Variants in BEND2 observed in about 807,000 individuals in gnomAD.
BEND2 encodes the protein BEN domain containing 2.
Under a neutral mutation model 43.8 loss-of-function variants are expected in BEND2, and 19 were observed. The observed-to-expected ratio is 0.43, with a 90% CI of 0.30 to 0.64. BEND2 has a LOEUF of 0.64. Ranked by LOEUF, BEND2 falls within the 30% of genes least tolerant of loss-of-function variation. The pLI, the probability that BEND2 is intolerant of heterozygous loss-of-function variation, is 0.11. For synonymous variants in BEND2, 226 were observed against 210.1 expected (o/e 1.08, Z -0.66); for missense variants, 544 against 574.0 (o/e 0.95, Z 0.53).
chrX:18,193,083 G>A (rs1225667578), intron 7 of BEND2, among the ~76,000 whole-genome samples: 4 of 111,958 alleles, frequency 3.6e-5, no homozygotes, highest in South Asian at 3.7e-4. Flanking sequence ...TTGGGAGGCC[G>A]AAGTGGGCAG....
intron 6 of BEND2, among the ~76,000 whole-genome samples, chrX:18,196,346 T>C (rs1053715275): frequency 9.3e-6 from 1 of 107,038 alleles, no homozygotes; most frequent in Non-Finnish European, 1.9e-5. Context: ...ATAAGAAATA[T>C]AAATATGGAG....
In BEND2 at chrX:18,199,618, C is replaced by G. The variant is rs149506106; in HGVS notation, c.1033+2197G>C. On this transcript the variant is annotated intron_variant, in intron 6 of 13. Transcript: ENST00000380033. ...ATTACATGTGAATTCAAAATTATCT[C>G]AAAATAAAAAGCCTAGTTTTTTTTT... Among the ~76,000 whole-genome samples the G allele has an allele frequency of 9.2e-3, 957 of 103,580 alleles. 15 individuals are homozygous for G. The highest frequency in any genetic ancestry group is 0.032 in the African/African-American group (911 of 28,601). 89.9% of individuals were successfully genotyped at this position (103,580 alleles called of 115,157 possible). A position where few individuals can be genotyped will look rare whatever the true frequency, so the allele number is the denominator to read the frequency against.
At chrX:18,216,500 G>A (rs760884153) in intron 2 of BEND2, 21 bp downstream of exon 2, 1 of 1,173,748 alleles carries the variant, frequency 8.5e-7, no homozygotes, top group Non-Finnish European at 1.2e-6. Flanking sequence ...TTTTGCCAAG[G>A]ATGAAATTTA....
intron 7 of BEND2, 82 bp downstream of exon 7, chrX:18,195,214 G>T (rs1924897661): frequency 3.0e-6 from 3 of 1,010,743 alleles, no homozygotes; most frequent in South Asian, 7.2e-5. Context: ...TTTGTAAAAA[G>T]CTACCACTAA....
intron 8 of BEND2, among the ~76,000 whole-genome samples, chrX:18,184,385 G>A (rs780231948): frequency 8.9e-6 from 1 of 112,002 alleles, no homozygotes; most frequent in African/African-American, 3.2e-5. Flanking sequence ...GGGAGGCTGA[G>A]GCAGGAGAAT....
intron 10 of BEND2, 129 bp downstream of exon 10, chrX:18,177,440 G>C: frequency 2.9e-6 from 2 of 691,654 alleles, no homozygotes; most frequent in Non-Finnish European, 4.4e-6. Context: ...GGGTCAGACA[G>C]GTGAAAAAAA....
intron 8 of BEND2, 131 bp from the exon 9 acceptor site, chrX:18,180,781 T>C (rs191724425): frequency 6.0e-5 from 30 of 496,699 alleles, no homozygotes; most frequent in African/African-American, 1.7e-4. Context: ...CTCTTTTTTT[T>C]TTTCTTTCTT....
At chrX:18,201,413 A>C (rs1438822816) in intron 6 of BEND2, among the ~76,000 whole-genome samples, 129 of 95,900 alleles carry the variant, frequency 1.3e-3, no homozygotes, top group African/African-American at 1.9e-3. Context: ...AAAAAAAAAA[A>C]AAAACAAAAA....
chrX:18,171,219 G>A lies in BEND2; in HGVS notation c.1982-15C>T, dbSNP rs1156651398. On this transcript the variant is annotated splice_polypyrimidine_tract_variant and intron_variant, in intron 12 of 13. Coordinates refer to ENST00000380033, the MANE Select transcript of BEND2 (RefSeq NM_153346.5). ...TCCAAAATAGCCTAGAAGCAAAAAA[G>A]AAAGATGTCAATTTTCATAGCAAAT... The A allele has an allele frequency of 8.5e-7, 1 of 1,182,113 alleles. No individual in the cohort carries two copies. The highest frequency in any genetic ancestry group is 1.1e-6 in the Non-Finnish European group (1 of 872,912).
intron 1 of BEND2, among the ~76,000 whole-genome samples, chrX:18,217,715 A>C (rs943133846): frequency 9.0e-6 from 1 of 111,434 alleles, no homozygotes; most frequent in African/African-American, 3.3e-5. Context: ...TCTAAACCAA[A>C]GTATTAAATA....
intron 4 of BEND2, among the ~76,000 whole-genome samples, chrX:18,204,543 A>G (rs1308076284): frequency 8.9e-6 from 1 of 112,455 alleles, no homozygotes; most frequent in African/African-American, 3.2e-5. Context: ...TTTAAAAAAT[A>G]GTAGCTCATA....
Position 18,180,588 on chromosome X carries a change from TTG to T in BEND2, c.1349_1350del (p.Thr450AsnfsTer10). On this transcript the variant is annotated frameshift_variant, in exon 9 of 14. Coordinates refer to ENST00000380033, the MANE Select transcript of BEND2 (RefSeq NM_153346.5). LOFTEE classifies it high-confidence loss of function. ...CTGTCCAATAAAGTTGAGCGATTCA[TTG>T]TGTTGACGCTGTTTTCCGTGTTGGT... is the stretch of plus-strand genomic sequence containing the variant. ...VDTNTENSVN[T>X]MNRSTLLDSD... The T allele has an allele frequency of 8.3e-7, 1 of 1,210,909 alleles. No homozygotes were observed. Among genetic ancestry groups the T allele is most frequent in the African/African-American group, 1.7e-5 (1 of 57,799 alleles).
intron 4 of BEND2, among the ~76,000 whole-genome samples, chrX:18,208,472 C>T (rs987430421): frequency 5.4e-5 from 6 of 110,599 alleles, no homozygotes; most frequent in Admixed American, 4.9e-4. Context: ...GGTGATAGAG[C>T]GAGATTCCAT....
intron 4 of BEND2, among the ~76,000 whole-genome samples, chrX:18,207,212 CCAAA>C (rs890454039): frequency 1.8e-5 from 2 of 112,052 alleles, no homozygotes; most frequent in African/African-American, 6.5e-5. Flanking sequence ...TGATAAACGC[CCAAA>C]CAATTTTACT....
intron 1 of BEND2, 93 bp downstream of exon 1, chrX:18,220,633 G>A (rs1658419396): frequency 2.7e-6 from 3 of 1,131,414 alleles, no homozygotes; most frequent in East Asian, 3.0e-5. Flanking sequence ...CAATCCTGCC[G>A]CCCCTGAATG....
chrX:18,218,649 G>A (rs1246204863), intron 1 of BEND2, among the ~76,000 whole-genome samples: 1 of 112,233 alleles, frequency 8.9e-6, no homozygotes, highest in African/African-American at 3.2e-5. Flanking sequence ...GATCACTTGG[G>A]GTCAGGAGTT....
chrX:18,211,652 G>A (rs1045613657), intron 4 of BEND2, among the ~76,000 whole-genome samples: 5 of 110,823 alleles, frequency 4.5e-5, no homozygotes, highest in Non-Finnish European at 7.6e-5. Flanking sequence ...ATGTGGTGGC[G>A]GGCTCCTGTA....
intron 6 of BEND2, among the ~76,000 whole-genome samples, chrX:18,197,991 C>T (rs1399366880): frequency 9.0e-6 from 1 of 111,645 alleles, no homozygotes; most frequent in Non-Finnish European, 1.9e-5. Flanking sequence ...GGAAAACTGG[C>T]TAGCCATATG....
At chrX:18,169,461 C>T (rs1407243333) in intron 13 of BEND2, among the ~76,000 whole-genome samples, 1 of 111,782 alleles carries the variant, frequency 8.9e-6, no homozygotes. Context: ...TATGTTTGAA[C>T]TCATTTCGAA....
Sources: gnomAD v4.1 joint callset for allele counts (sites outside exome capture counted in the v4.1 genomes callset) on GRCh38, gnomAD v4.1.1 for gene constraint, MANE v1.5 for transcripts, NCBI Gene and HGNC (gene_info 2026-07-23, HGNC 2026-07-21) for gene names.